USP54: variants seen among roughly 807,000 people sequenced by gnomAD.
USP54 encodes ubiquitin specific peptidase 54, also known as ubiquitin carboxyl-terminal hydrolase 54.
Under a neutral mutation model 170.5 loss-of-function variants are expected in USP54, and 87 were observed. That is an observed-to-expected ratio of 0.51 (90% CI 0.43 to 0.61). The LOEUF (loss-of-function observed/expected upper bound fraction) is 0.61, where lower values mean the gene tolerates loss of function less well. Among genes scored for constraint, USP54 ranks in the 20% least tolerant of loss-of-function variants. The probability of loss-of-function intolerance (pLI) is 0.00; values close to 1 mark genes in which losing one functional copy is unlikely to be tolerated. For synonymous variants in USP54, 655 were observed against 742.8 expected (o/e 0.88, Z 1.92); for missense variants, 1,786 against 2,047.8 (o/e 0.87, Z 2.47).
exon 1 of USP54, chr10:73,625,574 G>A (rs56953339): frequency 6.6e-6 from 1 of 152,446 alleles, no homozygotes; most frequent in South Asian, 2.1e-4. Context: ...TACCCTCCTC[G>A]TCGCTGTACC....
intron 1 of USP54, among the ~76,000 whole-genome samples, chr10:73,601,964 T>G (rs1421896497): frequency 6.6e-6 from 1 of 152,222 alleles, no homozygotes; most frequent in Admixed American, 6.5e-5. Flanking sequence ...AACAGCCCCT[T>G]GCCCACAGTC....
At chr10:73,507,762 A>G (rs997889570) in intron 20 of USP54, among the ~76,000 whole-genome samples, 2 of 150,614 alleles carry the variant, frequency 1.3e-5, no homozygotes, top group Non-Finnish European at 3.0e-5. Context: ...CTGAGGCAGT[A>G]GGATCACTTG....
At chr10:73,581,534 T>G (rs932776370) in intron 1 of USP54, among the ~76,000 whole-genome samples, 2 of 152,228 alleles carry the variant, frequency 1.3e-5, no homozygotes, top group Admixed American at 6.5e-5. Flanking sequence ...TATCTCATTT[T>G]CTGTTTCAAA....
intron 20 of USP54, among the ~76,000 whole-genome samples, chr10:73,510,629 G>A (rs142687767): frequency 1.1e-3 from 173 of 151,314 alleles, no homozygotes; most frequent in African/African-American, 2.2e-3. Flanking sequence ...TTGTATTTTC[G>A]GTAGAGACTG....
intron 16 of USP54, among the ~76,000 whole-genome samples, chr10:73,525,011 T>G (rs1564691374): frequency 6.6e-6 from 1 of 152,218 alleles, no homozygotes; most frequent in Non-Finnish European, 1.5e-5. Context: ...AGTCCAATTT[T>G]ATAAACCTTT....
At position 73,588,466 on chromosome 10, in the gene USP54, C is replaced by T. The variant is rs183256109; in HGVS notation, c.-582+2812G>A. 3.0e-4 allele frequency among the ~76,000 whole-genome samples: 45 copies of T among 152,272 alleles called. No individual in the cohort carries two copies. The East Asian group carries it at 7.1e-3, about 24-fold the overall frequency. On this transcript the variant is annotated intron_variant, in intron 1 of 23. Transcript: ENST00000687698. ...CTCAAACTCCTGACCTCAAGCGATC[C>T]GCCCACCTCAGCCTCCCAAAGTGCT...
intron 5 of USP54, among the ~76,000 whole-genome samples, chr10:73,543,357 G>T (rs1451865986): frequency 6.6e-6 from 1 of 151,508 alleles, no homozygotes; most frequent in Non-Finnish European, 1.5e-5. Context: ...TAACATCTGT[G>T]TTTTTTTTGT....
intron 4 of USP54, among the ~76,000 whole-genome samples, chr10:73,559,523 G>A (rs1393779696): frequency 6.7e-6 from 1 of 149,182 alleles, no homozygotes; most frequent in African/African-American, 2.5e-5. Context: ...TTGCGCCATT[G>A]CACTCCAGCC....
At chr10:73,515,504 T>C (rs1254124820) in intron 20 of USP54, among the ~76,000 whole-genome samples, 6 of 152,216 alleles carry the variant, frequency 3.9e-5, no homozygotes, top group African/African-American at 1.4e-4. Flanking sequence ...CTTCACTCTG[T>C]ATTATCTCAG....
intron 3 of USP54, among the ~76,000 whole-genome samples, chr10:73,575,147 C>A (rs150336481): frequency 0.051 from 7,737 of 151,894 alleles, 597 homozygotes; most frequent in African/African-American, 0.17. Context: ...ATCACTTGAA[C>A]CTGGGAGGCG....
chr10:73,528,871 T>C (rs1244357478), intron 15 of USP54, among the ~76,000 whole-genome samples: 5 of 152,254 alleles, frequency 3.3e-5, no homozygotes, highest in Admixed American at 1.3e-4. Context: ...GTAAAATGGT[T>C]ACTATAATTG....
At chr10:73,508,972 G>GTT (rs945752651) in intron 20 of USP54, among the ~76,000 whole-genome samples, 12 of 133,560 alleles carry the variant, frequency 9.0e-5, no homozygotes, top group East Asian at 2.2e-4. Flanking sequence ...GCCAGAACAT[G>GTT]TTTTTTTTTT....
intron 4 of USP54, among the ~76,000 whole-genome samples, chr10:73,558,478 C>T (rs1393500703): frequency 6.6e-6 from 1 of 152,026 alleles, no homozygotes; most frequent in Non-Finnish European, 1.5e-5. Context: ...TTATAGTATA[C>T]AATACTATAC....
chr10:73,526,701 C>T lies in USP54; in HGVS notation c.2140G>A (p.Glu714Lys). The T allele has an allele frequency of 6.2e-7, 1 of 1,614,168 alleles. No homozygotes were observed. The highest frequency in any genetic ancestry group is 8.5e-7 in the Non-Finnish European group (1 of 1,180,020). Residue 714 changes from glutamate to lysine, a missense_variant, in exon 16 of 24, where the codon GAG becomes AAG. By Grantham distance (56) the Glu-to-Lys change is moderately conservative. Coordinates refer to ENST00000687698, the MANE Select transcript of USP54 (RefSeq NM_001391956.1). ...IPKSHSSSIL[E>K]VDSTASMGGW... The stretch of plus-strand genomic sequence containing the variant: ...CCCATGGATGCTGTGGAGTCTACCT[C>T]CAGGATGCTACTGCTGTGCGACTTT...
At position 73,607,100 on chromosome 10, in the gene USP54, A is replaced by G. The variant is rs145746391; in HGVS notation, c.-18+18467T>C. Among the ~76,000 whole-genome samples the G allele has an allele frequency of 1.6e-3, 241 of 151,980 alleles. 10 individuals carry two copies. In the East Asian group the frequency reaches 0.042, roughly 27 times the overall value. ...CAAGGTAGGAGGATAGCTTGAGCCC[A>G]GGAGTTTGAGACCAGCCTGGGCAAC... On this transcript the variant is annotated intron_variant, in intron 1 of 22. Coordinates refer to the USP54 transcript ENST00000339859.
chr10:73,507,873 C>T (rs190787105), intron 20 of USP54, among the ~76,000 whole-genome samples: 2 of 152,014 alleles, frequency 1.3e-5, no homozygotes, highest in Admixed American at 1.3e-4. Flanking sequence ...TGGTGGTGCA[C>T]ACCTGCACTC....
At chr10:73,608,834 T>C (rs1025042552) in intron 1 of USP54, among the ~76,000 whole-genome samples, 2 of 151,920 alleles carry the variant, frequency 1.3e-5, no homozygotes, top group African/African-American at 4.8e-5. Flanking sequence ...GAGGTGGAGG[T>C]TGCAGTGAGC....
intron 1 of USP54, among the ~76,000 whole-genome samples, chr10:73,618,293 T>C (rs2080810311): frequency 6.6e-6 from 1 of 150,410 alleles, no homozygotes. Context: ...CACTCTGACG[T>C]GTAGTCAGAC....
At chr10:73,563,688 C>T (rs1477816978) in intron 4 of USP54, among the ~76,000 whole-genome samples, 1 of 152,160 alleles carries the variant, frequency 6.6e-6, no homozygotes, top group African/African-American at 2.4e-5. Flanking sequence ...CTGCCCGCCT[C>T]GGCCTCCCAA....
Sources: allele counts gnomAD v4.1 joint callset (sites outside exome capture counted in the v4.1 genomes callset), GRCh38; gene constraint gnomAD v4.1.1; transcripts MANE v1.5; gene names NCBI Gene and HGNC (gene_info 2026-07-23, HGNC 2026-07-21).